The following CDIN1 variants were observed in gnomAD, a reference collection of about 807,000 sequenced individuals.
The protein encoded by CDIN1 is CDAN1 interacting nuclease 1.
In CDIN1, 33 loss-of-function variants were observed where a neutral mutation model predicts 45.3. That is an observed-to-expected ratio of 0.73 (90% CI 0.55 to 0.97). CDIN1 has a LOEUF of 0.97. Ranked by LOEUF, CDIN1 falls within the 50% of genes least tolerant of loss-of-function variation. The pLI, the probability that CDIN1 is intolerant of heterozygous loss-of-function variation, is 0.00. For synonymous variants in CDIN1, 118 were observed against 124.4 expected (o/e 0.95, Z 0.34); for missense variants, 303 against 339.4 (o/e 0.89, Z 0.84).
At chr15:36,767,175 T>TAAAA (rs59141560) in intron 10 of CDIN1, among the ~76,000 whole-genome samples, 10 of 151,594 alleles carry the variant, frequency 6.6e-5, no homozygotes, top group Non-Finnish European at 1.0e-4. Flanking sequence ...TCCCAGCAGT[T>TAAAA]AAAAAAAATG....
rs551815927 is a variant in CDIN1, at chr15:36,796,268, T to A, written c.717-12056T>A. ...GATTCAGTTGTTATGAAGTTTATTC[T>A]CAAATCCACCTTGAACTTCAGGGCA... On this transcript the variant is annotated intron_variant, in intron 10 of 10. Coordinates refer to ENST00000566621, the MANE Select transcript of CDIN1 (RefSeq NM_001321759.2). Among the ~76,000 whole-genome samples the A allele has an allele frequency of 2.0e-5, 3 of 152,296 alleles. No individual in the cohort carries two copies. The South Asian group carries it at 6.2e-4, about 32-fold the overall frequency.
intron 5 of CDIN1, among the ~76,000 whole-genome samples, chr15:36,665,426 G>T (rs1391652019): frequency 1.3e-5 from 2 of 152,148 alleles, no homozygotes; most frequent in Non-Finnish European, 2.9e-5. Context: ...ATATTTTACT[G>T]AGCTTATAAA....
chr15:36,696,119 T>C (rs936501858), intron 7 of CDIN1, among the ~76,000 whole-genome samples: 9 of 152,142 alleles, frequency 5.9e-5, no homozygotes, highest in Admixed American at 3.3e-4. Context: ...ATCTATAAAA[T>C]AAGGATTGTA....
intron 1 of CDIN1, chr15:36,591,797 G>A (rs1397813666): frequency 1.3e-5 from 2 of 152,206 alleles, no homozygotes; most frequent in Non-Finnish European, 2.9e-5. Flanking sequence ...AGAGGGAGGA[G>A]TCCTACCCAG....
intron 10 of CDIN1, among the ~76,000 whole-genome samples, chr15:36,715,298 A>G (rs186892305): frequency 4.6e-5 from 7 of 152,206 alleles, no homozygotes; most frequent in East Asian, 3.9e-4. Flanking sequence ...TTTAGTTCAT[A>G]CCTCTAAGTA....
chr15:36,689,191 T>G (rs1255509020), intron 5 of CDIN1, among the ~76,000 whole-genome samples: 5 of 152,240 alleles, frequency 3.3e-5, no homozygotes, highest in African/African-American at 1.2e-4. Context: ...AAATTTATAT[T>G]GTGAGGAAAA....
chr15:36,724,542 A>G (rs139014412), intron 10 of CDIN1, among the ~76,000 whole-genome samples: 1 of 152,276 alleles, frequency 6.6e-6, no homozygotes, highest in Non-Finnish European at 1.5e-5. Context: ...GAGATGTCCA[A>G]AGGCAACTGG....
At chr15:36,702,744 T>C (rs1419883021) in intron 8 of CDIN1, among the ~76,000 whole-genome samples, 1 of 152,132 alleles carries the variant, frequency 6.6e-6, no homozygotes, top group Admixed American at 6.6e-5. Flanking sequence ...CAAAACAATA[T>C]CATTAATATC....
At chr15:36,591,056 A>C (rs765523502) in intron 1 of CDIN1, among the ~76,000 whole-genome samples, 8 of 152,112 alleles carry the variant, frequency 5.3e-5, no homozygotes, top group Non-Finnish European at 1.2e-4. Flanking sequence ...GCAGGGTGAA[A>C]ATTTTGTGGT....
At chr15:36,657,935 C>T in intron 5 of CDIN1, 30 bp downstream of exon 5, 1 of 1,532,898 alleles carries the variant, frequency 6.5e-7, no homozygotes, top group Non-Finnish European at 9.0e-7. Context: ...TAATGGTACT[C>T]TTTTACTCCC....
chr15:36,720,682 G>A (rs1307787486), intron 10 of CDIN1, among the ~76,000 whole-genome samples: 1 of 152,150 alleles, frequency 6.6e-6, no homozygotes, highest in African/African-American at 2.4e-5. Context: ...TATCACTGAT[G>A]GACATTTGGG....
chr15:36,681,631 T>C (rs1245144534), intron 5 of CDIN1, among the ~76,000 whole-genome samples: 4 of 152,128 alleles, frequency 2.6e-5, no homozygotes, highest in African/African-American at 9.7e-5. Context: ...GAATGTCAAA[T>C]AAAATATTAA....
intron 10 of CDIN1, chr15:36,734,411 A>T (rs2078369): frequency 0.31 from 115,001 of 376,676 alleles, 16,864 homozygotes; most frequent in East Asian, 0.45. Context: ...TTTTTTTTTT[A>T]AAAAAAGCTC....
At chr15:36,632,145 A>G (rs2039704715) in intron 1 of CDIN1, among the ~76,000 whole-genome samples, 1 of 152,148 alleles carries the variant, frequency 6.6e-6, no homozygotes, top group Non-Finnish European at 1.5e-5. Context: ...ATAACTCTGT[A>G]TTTAGTATGT....
chr15:36,620,338 G>A (rs990886030), intron 1 of CDIN1, among the ~76,000 whole-genome samples: 1 of 151,726 alleles, frequency 6.6e-6, no homozygotes, highest in Non-Finnish European at 1.5e-5. Context: ...GCGACAAAGC[G>A]AAACTCTGTC....
chr15:36,647,077 GCA>G (rs1566863486), intron 3 of CDIN1, among the ~76,000 whole-genome samples: 1 of 140,196 alleles, frequency 7.1e-6, no homozygotes, highest in African/African-American at 2.7e-5. Context: ...AGTCTGAGGT[GCA>G]GTGGCACGAT....
At chr15:36,801,048 T>C (rs2055028405) in intron 10 of CDIN1, among the ~76,000 whole-genome samples, 1 of 150,280 alleles carries the variant, frequency 6.7e-6, no homozygotes, top group Non-Finnish European at 1.5e-5. Flanking sequence ...TATTGTTTGA[T>C]GAAGACCCTC....
chr15:36,797,848 T>TGG (rs1329475472), intron 10 of CDIN1, among the ~76,000 whole-genome samples: 3 of 151,454 alleles, frequency 2.0e-5, no homozygotes, highest in Non-Finnish European at 2.9e-5. Context: ...GGCATGGTGG[T>TGG]GCATGCCTGT....
At chr15:36,647,337 C>A (rs2040375501) in intron 3 of CDIN1, among the ~76,000 whole-genome samples, 1 of 152,048 alleles carries the variant, frequency 6.6e-6, no homozygotes, top group African/African-American at 2.4e-5. Flanking sequence ...GAAATAAATA[C>A]CTTTAAGTAT....
Sources: allele counts gnomAD v4.1 joint callset (sites outside exome capture counted in the v4.1 genomes callset), GRCh38; gene constraint gnomAD v4.1.1; transcripts MANE v1.5; gene names NCBI Gene and HGNC (gene_info 2026-07-23, HGNC 2026-07-21).